The following PRAMEF20 variants were observed in gnomAD, a reference collection of about 807,000 sequenced individuals.
PRAMEF20 encodes PRAME family member 20/21.
Under a neutral mutation model 32.4 loss-of-function variants are expected in PRAMEF20, and 27 were observed. The ratio of observed to expected loss-of-function variants is 0.83; its 90% CI spans 0.61 to 1.15. The LOEUF (loss-of-function observed/expected upper bound fraction) is 1.15. Among genes scored for constraint, PRAMEF20 ranks in the 50% most tolerant of loss-of-function variants. The pLI is 0.00. For missense variants in PRAMEF20, 604 were observed against 584.5 expected, an observed-to-expected ratio of 1.03 and a Z score of -0.34; for synonymous variants, 256 against 235.4, an observed-to-expected ratio of 1.09 and a Z score of -0.80.
upstream of PRAMEF20, chr1:13,416,274 G>A (rs1641168485): frequency 3.1e-6 from 5 of 1,610,858 alleles, no homozygotes; most frequent in East Asian, 4.5e-5. Flanking sequence ...CCTGGGAGAT[G>A]AGATTGCATG....
exon 2 of PRAMEF20, chr1:13,418,575 T>G: frequency 6.2e-7 from 1 of 1,613,902 alleles, no homozygotes; most frequent in South Asian, 1.1e-5. Context: ...CTCGCTACAT[T>G]TCCCCAGAGC....
At chr1:13,413,633 G>A (rs1641134583), upstream of PRAMEF20, among the ~76,000 whole-genome samples, 1 of 152,142 alleles carries the variant, frequency 6.6e-6, no homozygotes, top group Non-Finnish European at 1.5e-5. Flanking sequence ...CCAAAGTGCT[G>A]AGATTACAGG....
chr1:13,416,102 G>A (rs889366386), upstream of PRAMEF20, among the ~76,000 whole-genome samples: 1 of 152,214 alleles, frequency 6.6e-6, no homozygotes, highest in Non-Finnish European at 1.5e-5. Flanking sequence ...ATGAGCACTG[G>A]ATAGAAAGGA....
chr1:13,417,055 A>G (rs1230490581), intron 1 of PRAMEF20, among the ~76,000 whole-genome samples: 1 of 152,180 alleles, frequency 6.6e-6, no homozygotes, highest in African/African-American at 2.4e-5. Context: ...GAAGCCACAG[A>G]CCTTTGCAGT....
At chr1:13,414,498 G>A (rs991407188), upstream of PRAMEF20, among the ~76,000 whole-genome samples, 185 of 152,136 alleles carry the variant, frequency 1.2e-3, 1 homozygote, top group African/African-American at 4.0e-3. Flanking sequence ...TCACCCTGCC[G>A]ACCAGGCCGG....
intron 1 of PRAMEF20, among the ~76,000 whole-genome samples, chr1:13,417,576 C>G: frequency 6.6e-6 from 1 of 150,486 alleles, no homozygotes; most frequent in Non-Finnish European, 1.5e-5. Context: ...GCACTCCAGC[C>G]TGGGCGACAG....
chr1:13,420,514 T>C (rs1394993668), intron 2 of PRAMEF20, among the ~76,000 whole-genome samples, 183 bp from the exon 4 acceptor site: 6 of 152,242 alleles, frequency 3.9e-5, no homozygotes, highest in African/African-American at 1.4e-4. Flanking sequence ...AGGCCTAAAA[T>C]GGAATTGACC....
chr1:13,418,730 G>C lies in PRAMEF20; in HGVS notation c.866+30G>C. The C allele has an allele frequency of 1.9e-6, 3 of 1,612,074 alleles. No individual in the cohort carries two copies. In the South Asian group the frequency reaches 3.3e-5, roughly 18 times the overall value. On this transcript the variant is annotated intron_variant, in intron 2 of 2. Coordinates refer to ENST00000602960, the Ensembl canonical transcript of PRAMEF20. ...GGAAGGGTAGTGAGCTTTCTCTGCAGACCACAGCAGAGCCTTTCTTGTTAC... is the reference window on the plus strand; with the variant it reads ...GGAAGGGTAGTGAGCTTTCTCTGCACACCACAGCAGAGCCTTTCTTGTTAC...
At chr1:13,412,923 C>A (rs1236741466), upstream of PRAMEF20, among the ~76,000 whole-genome samples, 7 of 152,092 alleles carry the variant, frequency 4.6e-5, no homozygotes, top group African/African-American at 1.4e-4. Context: ...GACTCAGCCC[C>A]CCACCCTGCA....
At chr1:13,417,184 C>T (rs1352783149) in intron 1 of PRAMEF20, among the ~76,000 whole-genome samples, 6 of 152,094 alleles carry the variant, frequency 3.9e-5, no homozygotes, top group Admixed American at 1.3e-4. Context: ...TAGGTTGCCG[C>T]TGCTGACTGG....
chr1:13,419,300 C>T (rs971392061), intron 2 of PRAMEF20, among the ~76,000 whole-genome samples: 8 of 151,912 alleles, frequency 5.3e-5, no homozygotes, highest in East Asian at 1.9e-4. Context: ...ATTACAGGCA[C>T]GGGCCACCAC....
At chr1:13,420,657 T>C (rs1195144929) in intron 2 of PRAMEF20, 40 bp from the exon 4 acceptor site, 9 of 1,613,432 alleles carry the variant, frequency 5.6e-6, no homozygotes, top group Admixed American at 1.7e-5. Flanking sequence ...CACTCACCCC[T>C]ACGATTCCCC....
Position 13,417,902 on chromosome 1 carries a change from C to T in PRAMEF20, c.288-220C>T, listed in dbSNP as rs1466763966. On this transcript the variant is annotated intron_variant, in intron 1 of 2. Transcript: ENST00000602960. ...GACTACAGGCGCCCGCCACCACGCC[C>T]GGCTAATTTGTGTGTGTGTGTGTGT... Among the ~76,000 whole-genome samples the T allele has an allele frequency of 5.2e-5, 4 of 77,132 alleles. 1 individual carries two copies. The highest frequency in any genetic ancestry group is 1.2e-4 in the Non-Finnish European group (4 of 33,758). 50.6% of individuals were successfully genotyped at this position (77,132 alleles called of 152,430 possible). A position where few individuals can be genotyped will look rare whatever the true frequency, so the allele number is the denominator to read the frequency against.
At chr1:13,415,923 G>A (rs1357445570), upstream of PRAMEF20, among the ~76,000 whole-genome samples, 1 of 152,246 alleles carries the variant, frequency 6.6e-6, no homozygotes, top group Non-Finnish European at 1.5e-5. Flanking sequence ...CCATTCTAGG[G>A]ATGCCCCATG....
intron 2 of PRAMEF20, among the ~76,000 whole-genome samples, chr1:13,419,688 T>C (rs1641221223): frequency 6.6e-6 from 1 of 151,960 alleles, no homozygotes; most frequent in Admixed American, 6.6e-5. Flanking sequence ...CCTCCCAAAA[T>C]GCTGGGATTA....
At chr1:13,419,713 C>T (rs915688390) in intron 2 of PRAMEF20, among the ~76,000 whole-genome samples, 1,647 of 152,106 alleles carry the variant, frequency 0.011, 23 homozygotes, top group African/African-American at 0.036. Flanking sequence ...TGTGAGCCAC[C>T]GCACCCGGCC....
exon 2 of PRAMEF20, chr1:13,418,598 T>C: frequency 2.5e-6 from 4 of 1,613,876 alleles, no homozygotes; most frequent in Non-Finnish European, 3.4e-6. Flanking sequence ...AAGAAGGAGT[T>C]TGTTACCCAG....
chr1:13,420,105 G>A (rs1448851353), intron 2 of PRAMEF20, among the ~76,000 whole-genome samples: 1 of 152,184 alleles, frequency 6.6e-6, no homozygotes, highest in Admixed American at 6.6e-5. Flanking sequence ...GTGGCCCAGA[G>A]ATGTGGTTTT....
exon 2 of PRAMEF20, chr1:13,418,459 G>A: frequency 6.2e-7 from 1 of 1,613,920 alleles, no homozygotes; most frequent in Non-Finnish European, 8.5e-7. Flanking sequence ...CTGTATCCAG[G>A]AGGTGGAAGT....
Sources: allele counts gnomAD v4.1 joint callset (sites outside exome capture counted in the v4.1 genomes callset), GRCh38; gene constraint gnomAD v4.1.1; transcripts MANE v1.5; gene names NCBI Gene and HGNC (gene_info 2026-07-23, HGNC 2026-07-21).